RHOBTB1: variants seen among roughly 807,000 people sequenced by gnomAD.
The protein encoded by RHOBTB1 is rho-related BTB domain-containing protein 1.
In RHOBTB1, 40 loss-of-function variants were observed where a neutral mutation model predicts 71.6. That is an observed-to-expected ratio of 0.56 (90% confidence interval 0.43 to 0.73). RHOBTB1 has a LOEUF of 0.73. RHOBTB1 is among the 30% of genes least tolerant of loss of function. The probability of loss-of-function intolerance (pLI) is 0.00; values close to 1 mark genes in which losing one functional copy is unlikely to be tolerated. For missense variants in RHOBTB1, 797 were observed against 894.0 expected (o/e 0.89, Z 1.38); for synonymous variants, 319 against 334.9 (o/e 0.95, Z 0.52).
At chr10:60,990,482 A>G (rs2086826045) in intron 1 of RHOBTB1, among the ~76,000 whole-genome samples, 1 of 144,096 alleles carries the variant, frequency 6.9e-6, no homozygotes, top group South Asian at 2.3e-4. Context: ...TTTCCTGTAC[A>G]TATCACTTAG....
chr10:60,940,234 A>C (rs1228368149), intron 2 of RHOBTB1, among the ~76,000 whole-genome samples: 1 of 152,210 alleles, frequency 6.6e-6, no homozygotes, highest in Admixed American at 6.5e-5. Flanking sequence ...CACATTAAAA[A>C]AGATGATATC....
intron 4 of RHOBTB1, among the ~76,000 whole-genome samples, chr10:60,904,646 A>T (rs1032555498): frequency 6.6e-6 from 1 of 152,208 alleles, no homozygotes; most frequent in Non-Finnish European, 1.5e-5. Flanking sequence ...GTGTTTACCA[A>T]AGTGGGGCCA....
the RHOBTB1 span, among the ~76,000 whole-genome samples, chr10:60,860,964 TAG>T: frequency 6.6e-6 from 1 of 152,202 alleles, no homozygotes; most frequent in African/African-American, 2.4e-5. Context: ...TTTTGGCATA[TAG>T]AAGTTCAAAA....
At chr10:60,989,482 T>G (rs1309281991) in intron 1 of RHOBTB1, among the ~76,000 whole-genome samples, 1 of 152,242 alleles carries the variant, frequency 6.6e-6, no homozygotes, top group African/African-American at 2.4e-5. Flanking sequence ...AATAAATGTT[T>G]ACTCAGCCTT....
At chr10:60,981,015 A>T (rs1245511403) in intron 2 of RHOBTB1, among the ~76,000 whole-genome samples, 1 of 152,212 alleles carries the variant, frequency 6.6e-6, no homozygotes, top group African/African-American at 2.4e-5. Context: ...TACATTATTC[A>T]TTCTTTAATT....
At chr10:60,904,316 A>G (rs1242758827) in intron 4 of RHOBTB1, among the ~76,000 whole-genome samples, 1 of 152,182 alleles carries the variant, frequency 6.6e-6, no homozygotes, top group African/African-American at 2.4e-5. Flanking sequence ...TTTATTGTTT[A>G]ATTTGATTAA....
chr10:60,905,077 G>T (rs1424969809), intron 4 of RHOBTB1, among the ~76,000 whole-genome samples: 1 of 151,040 alleles, frequency 6.6e-6, no homozygotes, highest in Admixed American at 6.6e-5. Context: ...CTTGAGTGAA[G>T]AAAATGAAGC....
rs2085536882 is a variant in RHOBTB1, at chr10:60,955,030, CT to C, written c.-61-13177del. 8.0e-5 allele frequency among the ~76,000 whole-genome samples: 8 copies of C among 100,614 alleles called. No individual in the cohort carries two copies. In the South Asian group the frequency reaches 3.1e-3, roughly 39 times the overall value. 66.0% of individuals were successfully genotyped at this position (100,614 alleles called of 152,430 possible). ...ACTTATTTGACAAGGGGAATCTTTT[CT>C]TTTCTTTCTTTCTTTTTTTTTTTTT... On this transcript the variant is annotated intron_variant, in intron 2 of 11. Transcript: ENST00000357917.
chr10:60,998,665 T>C (rs920602299), intron 1 of RHOBTB1, among the ~76,000 whole-genome samples: 1 of 152,162 alleles, frequency 6.6e-6, no homozygotes, highest in African/African-American at 2.4e-5. Context: ...GCTGGGATCC[T>C]GTGGGAGAAA....
intron 2 of RHOBTB1, among the ~76,000 whole-genome samples, chr10:60,978,095 CATTAA>C (rs1219566532): frequency 1.3e-5 from 2 of 152,104 alleles, no homozygotes; most frequent in African/African-American, 4.8e-5. Context: ...GCAGTATGAA[CATTAA>C]ATTAATAATA....
chr10:60,910,844 A>T, intron 4 of RHOBTB1, 43 bp downstream of exon 4: 4 of 1,439,514 alleles, frequency 2.8e-6, no homozygotes, highest in Non-Finnish European at 3.9e-6. Flanking sequence ...TTGAAAAGGA[A>T]ATTGCATTCA....
chr10:60,889,738 T>C (rs566620801), intron 5 of RHOBTB1, among the ~76,000 whole-genome samples: 1 of 152,328 alleles, frequency 6.6e-6, no homozygotes, highest in South Asian at 2.1e-4. Flanking sequence ...TTACTTAACC[T>C]CATTAAACAT....
At chr10:60,895,790 T>G (rs923063834) in intron 4 of RHOBTB1, among the ~76,000 whole-genome samples, 7 of 152,220 alleles carry the variant, frequency 4.6e-5, no homozygotes, top group African/African-American at 1.7e-4. Context: ...TAAGAAAACT[T>G]TACATAAAGA....
chr10:60,931,414 T>A lies in RHOBTB1; in HGVS notation c.-11+10390A>T, dbSNP rs189764247. ...AGATTTTCCTATTCTGGACACTTCA[T>A]ATAAATGGAATCATGCAATATGTGG... On this transcript the variant is annotated intron_variant, in intron 2 of 10. Coordinates refer to ENST00000337910, the MANE Select transcript of RHOBTB1 (RefSeq NM_014836.5). 2.3e-3 allele frequency among the ~76,000 whole-genome samples: 345 copies of A among 152,340 alleles called. 1 individual carries two copies. Among genetic ancestry groups the A allele is most frequent in the African/African-American group, 7.2e-3 (298 of 41,592 alleles).
chr10:60,979,593 A>G (rs2086426926), intron 2 of RHOBTB1, among the ~76,000 whole-genome samples: 1 of 152,192 alleles, frequency 6.6e-6, no homozygotes, highest in Non-Finnish European at 1.5e-5. Context: ...AACCAATACC[A>G]GGCACTGGAG....
At chr10:60,982,483 C>T (rs575455329) in intron 2 of RHOBTB1, among the ~76,000 whole-genome samples, 3 of 152,282 alleles carry the variant, frequency 2.0e-5, no homozygotes, top group African/African-American at 4.8e-5. Context: ...AACCTTGATA[C>T]CATTGATTTT....
chr10:60,876,497 CTTGTTGGGCAGATTTGGCTCCA>C (rs2081059710), intron 8 of RHOBTB1, among the ~76,000 whole-genome samples: 2 of 152,092 alleles, frequency 1.3e-5, no homozygotes, highest in South Asian at 4.1e-4. Context: ...GATCACAAAC[CTTGTTGGGCAGATTTGGCTCCA>C]AATTACATTT....
intron 2 of RHOBTB1, among the ~76,000 whole-genome samples, chr10:60,974,967 C>T (rs2086269516): frequency 6.6e-6 from 1 of 151,974 alleles, no homozygotes; most frequent in African/African-American, 2.4e-5. Context: ...AGAAATGGAA[C>T]TTCTACCTCT....
chr10:60,881,062 T>A (rs2081306434), intron 7 of RHOBTB1, among the ~76,000 whole-genome samples: 1 of 152,160 alleles, frequency 6.6e-6, no homozygotes, highest in Non-Finnish European at 1.5e-5. Context: ...ATGGGGGTGG[T>A]TCCCCCCAGA....
Sources: gnomAD v4.1 joint callset for allele counts (sites outside exome capture counted in the v4.1 genomes callset) on GRCh38, gnomAD v4.1.1 for gene constraint, MANE v1.5 for transcripts, NCBI Gene and HGNC (gene_info 2026-07-23, HGNC 2026-07-21) for gene names.